Variants in GRM7 observed in about 807,000 individuals in gnomAD.
The protein encoded by GRM7 is metabotropic glutamate receptor 7.
Under a neutral mutation model 84.5 loss-of-function variants are expected in GRM7, and 35 were observed. The ratio of observed to expected loss-of-function variants is 0.41; its 90% CI spans 0.32 to 0.55. The LOEUF is 0.55. Among genes scored for constraint, GRM7 ranks in the 20% least tolerant of loss-of-function variants. The probability of loss-of-function intolerance (pLI) is 0.19; values close to 1 mark genes in which losing one functional copy is unlikely to be tolerated. For missense variants in GRM7, 1,003 were observed against 1,194.6 expected, an observed-to-expected ratio of 0.84 and a Z score of 2.36; for synonymous variants, 487 against 455.1, an observed-to-expected ratio of 1.07 and a Z score of -0.89.
chr3:6,876,477 A>G (rs572299319), intron 1 of GRM7, among the ~76,000 whole-genome samples: 23 of 151,624 alleles, frequency 1.5e-4, no homozygotes, highest in African/African-American at 5.1e-4. Flanking sequence ...TGTTATTATG[A>G]CCCCCATAGT....
intron 1 of GRM7, among the ~76,000 whole-genome samples, chr3:7,045,590 G>A (rs1220280807): frequency 6.6e-6 from 1 of 152,014 alleles, no homozygotes; most frequent in Non-Finnish European, 1.5e-5. Context: ...GCTTCTATGA[G>A]CTTTACTATT....
At chr3:7,089,405 C>A (rs1452313465) in intron 1 of GRM7, among the ~76,000 whole-genome samples, 1 of 152,056 alleles carries the variant, frequency 6.6e-6, no homozygotes, top group Non-Finnish European at 1.5e-5. Flanking sequence ...TTCCATAATT[C>A]TCCAAACATA....
intron 5 of GRM7, among the ~76,000 whole-genome samples, chr3:7,418,100 T>C (rs1696247782): frequency 6.6e-6 from 1 of 152,196 alleles, no homozygotes; most frequent in South Asian, 2.1e-4. Flanking sequence ...AACAACTATG[T>C]AATCTTTATT....
At chr3:6,924,430 A>T (rs1457411363) in intron 1 of GRM7, among the ~76,000 whole-genome samples, 1 of 152,194 alleles carries the variant, frequency 6.6e-6, no homozygotes, top group Non-Finnish European at 1.5e-5. Flanking sequence ...AACTTTAAAA[A>T]ATCTTAAAGC....
intron 1 of GRM7, among the ~76,000 whole-genome samples, chr3:7,037,197 C>G (rs368146179): frequency 6.6e-6 from 1 of 152,134 alleles, no homozygotes; most frequent in East Asian, 1.9e-4. Context: ...TGCTAATGGG[C>G]TTTCCATTAG....
chr3:7,341,776 G>A lies in GRM7; in HGVS notation c.1033+35124G>A, dbSNP rs542133580. Among the ~76,000 whole-genome samples, 67 of 152,098 alleles carry A rather than the reference G, an allele frequency of 4.4e-4. 1 individual carries two copies. Among genetic ancestry groups the A allele is most frequent in the African/African-American group, 1.5e-3 (63 of 41,520 alleles). On this transcript the variant is annotated intron_variant, in intron 4 of 9. Coordinates refer to ENST00000357716, the MANE Select transcript of GRM7 (RefSeq NM_000844.4). ...AATTCTAGACAAAACTATTTGGATA[G>A]GACCCCACATTAAAGAACCTAAAAC...
intron 8 of GRM7, among the ~76,000 whole-genome samples, chr3:7,629,260 A>C (rs988171886): frequency 4.6e-5 from 7 of 152,212 alleles, no homozygotes; most frequent in Non-Finnish European, 8.8e-5. Context: ...AGGTAGGTAG[A>C]GTTGTATATT....
At chr3:7,652,905 C>T (rs1699009698) in intron 8 of GRM7, among the ~76,000 whole-genome samples, 1 of 152,136 alleles carries the variant, frequency 6.6e-6, no homozygotes, top group African/African-American at 2.4e-5. Context: ...CCATTTCATC[C>T]TCACCACAGG....
At chr3:7,332,741 C>A (rs1470757634) in intron 4 of GRM7, among the ~76,000 whole-genome samples, 1 of 152,164 alleles carries the variant, frequency 6.6e-6, no homozygotes, top group Non-Finnish European at 1.5e-5. Flanking sequence ...ATTCACAGAA[C>A]CTTTGAAAGA....
chr3:7,467,453 T>C (rs776195934), intron 7 of GRM7, among the ~76,000 whole-genome samples: 132 of 152,232 alleles, frequency 8.7e-4, no homozygotes, highest in Non-Finnish European at 1.7e-3. Context: ...AGTCAAGTAA[T>C]TCAGTTTAAG....
chr3:7,168,363 G>A (rs1312522589), intron 2 of GRM7, among the ~76,000 whole-genome samples: 1 of 152,124 alleles, frequency 6.6e-6, no homozygotes, highest in Non-Finnish European at 1.5e-5. Flanking sequence ...GGTATTTGAA[G>A]GTGAGGCATT....
chr3:7,290,992 G>C (rs1429356753), intron 2 of GRM7, among the ~76,000 whole-genome samples: 1 of 151,934 alleles, frequency 6.6e-6, no homozygotes, highest in African/African-American at 2.4e-5. Flanking sequence ...GTTTCTTTGT[G>C]GCCATTTACA....
chr3:7,164,064 A>G (rs893449284), intron 2 of GRM7, among the ~76,000 whole-genome samples: 2 of 152,184 alleles, frequency 1.3e-5, no homozygotes, highest in Non-Finnish European at 2.9e-5. Context: ...TGTTTATCAA[A>G]AATTAAAACC....
At chr3:7,353,180 T>C (rs1660129313) in intron 4 of GRM7, among the ~76,000 whole-genome samples, 1 of 151,954 alleles carries the variant, frequency 6.6e-6, no homozygotes, top group African/African-American at 2.4e-5. Context: ...CTAACTAGAC[T>C]CAAGACGCAG....
chr3:7,118,564 T>C (rs1171145363), intron 1 of GRM7, among the ~76,000 whole-genome samples: 2 of 150,830 alleles, frequency 1.3e-5, no homozygotes, highest in Non-Finnish European at 2.9e-5. Flanking sequence ...AGTAGCATTA[T>C]ATGTGGTTAA....
At chr3:7,082,259 G>A (rs1234482317) in intron 1 of GRM7, among the ~76,000 whole-genome samples, 2 of 152,056 alleles carry the variant, frequency 1.3e-5, no homozygotes, top group Admixed American at 6.6e-5. Context: ...TGAAGACAAT[G>A]CTCATTTACC....
At position 7,731,195 on chromosome 3, in the gene GRM7, A is replaced by AG. The variant is rs767547951; in HGVS notation, c.2699-9157dup. On this transcript the variant is annotated intron_variant, in intron 9 of 9. Coordinates refer to ENST00000357716, the MANE Select transcript of GRM7 (RefSeq NM_000844.4). ...TTTGGCCATGTTTAGATGCAAAAAG[A>AG]GGGGGAAAAAAAGAATGCTGTGGCT... Among the ~76,000 whole-genome samples, 141 of 152,142 alleles carry AG rather than the reference A, an allele frequency of 9.3e-4. 1 individual carries two copies. Among genetic ancestry groups the AG allele is most frequent in the Non-Finnish European group, 1.2e-3 (84 of 67,994 alleles).
intron 1 of GRM7, among the ~76,000 whole-genome samples, chr3:6,916,378 C>T (rs919712889): frequency 6.6e-6 from 1 of 152,192 alleles, no homozygotes; most frequent in Admixed American, 6.6e-5. Context: ...AAAGACTTTT[C>T]TAAGTGCTAT....
At chr3:7,196,543 C>T (rs1005534198) in intron 2 of GRM7, among the ~76,000 whole-genome samples, 1 of 152,064 alleles carries the variant, frequency 6.6e-6, no homozygotes, top group Non-Finnish European at 1.5e-5. Flanking sequence ...CTGTTTCCTG[C>T]TTTTGGACCT....
Sources: allele counts gnomAD v4.1 joint callset (sites outside exome capture counted in the v4.1 genomes callset), GRCh38; gene constraint gnomAD v4.1.1; transcripts MANE v1.5; gene names NCBI Gene and HGNC (gene_info 2026-07-23, HGNC 2026-07-21).